CNTN1: variants seen among roughly 807,000 people sequenced by gnomAD.
CNTN1 encodes the protein contactin 1.
Under a neutral mutation model 126.4 loss-of-function variants are expected in CNTN1, and 38 were observed. The observed-to-expected ratio is 0.30, with a 90% CI of 0.23 to 0.39. The LOEUF is 0.39. Ranked by LOEUF, CNTN1 falls within the 10% of genes least tolerant of loss-of-function variation. CNTN1 has a pLI of 1.00. For missense variants in CNTN1, 1,009 were observed against 1,248.4 expected, an observed-to-expected ratio of 0.81 and a Z score of 2.89; for synonymous variants, 413 against 422.6, an observed-to-expected ratio of 0.98 and a Z score of 0.28.
At chr12:40,845,591 T>TG (rs59392222) in intron 1 of CNTN1, among the ~76,000 whole-genome samples, 4 of 152,062 alleles carry the variant, frequency 2.6e-5, no homozygotes, top group Non-Finnish European at 5.9e-5. Context: ...AGCCTCAAGA[T>TG]GGGGCTAGTC....
At chr12:40,773,957 A>G (rs1051351629) in intron 1 of CNTN1, among the ~76,000 whole-genome samples, 6 of 151,398 alleles carry the variant, frequency 4.0e-5, no homozygotes, top group Non-Finnish European at 8.9e-5. Context: ...CAGCACACTT[A>G]CCATCTTCTT....
At chr12:41,063,849 C>G (rs3829303) in intron 23 of CNTN1, among the ~76,000 whole-genome samples, 36,253 of 152,050 alleles carry the variant, frequency 0.24, 4,441 homozygotes, top group Middle Eastern at 0.28. Context: ...GAGCTAGGAG[C>G]TCATATCTCT....
intron 12 of CNTN1, among the ~76,000 whole-genome samples, chr12:40,940,014 G>A (rs1946209944): frequency 6.6e-6 from 1 of 152,076 alleles, no homozygotes; most frequent in Admixed American, 6.6e-5. Flanking sequence ...GTGGTTTGGG[G>A]ACAAAATGAA....
At chr12:40,929,644 A>G (rs1945813764) in intron 6 of CNTN1, 152 bp from the exon 7 acceptor site, 1 of 651,638 alleles carries the variant, frequency 1.5e-6, no homozygotes, top group Non-Finnish European at 2.8e-6. Flanking sequence ...TACATGTTTA[A>G]AAGTGTGCAC....
chr12:40,720,406 A>AGG (rs900269022), intron 1 of CNTN1, among the ~76,000 whole-genome samples: 4 of 98,602 alleles, frequency 4.1e-5, no homozygotes, highest in Admixed American at 3.5e-4. Flanking sequence ...CTCATCTCAA[A>AGG]GGGGTGTGTG....
intron 23 of CNTN1, among the ~76,000 whole-genome samples, chr12:41,057,585 G>A (rs1015733851): frequency 3.3e-5 from 5 of 151,926 alleles, no homozygotes; most frequent in Non-Finnish European, 1.5e-5. Context: ...GCACTTTAGT[G>A]GATATTGGTT....
chr12:40,716,983 G>A (rs1474487650), intron 1 of CNTN1, among the ~76,000 whole-genome samples: 2 of 152,020 alleles, frequency 1.3e-5, no homozygotes, highest in Non-Finnish European at 2.9e-5. Context: ...TAGAGCAATG[G>A]GGAAAGAGAA....
At chr12:40,762,203 A>G (rs1938890515) in intron 1 of CNTN1, among the ~76,000 whole-genome samples, 4 of 152,222 alleles carry the variant, frequency 2.6e-5, no homozygotes, top group Admixed American at 2.6e-4. Context: ...TTACACATAT[A>G]CAAAGATCAC....
At position 40,789,456 on chromosome 12, in the gene CNTN1, G is replaced by A. The variant is rs1159107834; in HGVS notation, c.-77+96864G>A. 1.1e-3 allele frequency among the ~76,000 whole-genome samples: 2 copies of A among 1,884 alleles called. 1 individual carries two copies. Among genetic ancestry groups the A allele is most frequent in the African/African-American group, 1.9e-3 (2 of 1,054 alleles). The allele number at this position is 1,884 out of a possible 152,430, so 1.2% of individuals were successfully genotyped here. A position where few individuals can be genotyped will look rare whatever the true frequency, so the allele number is the denominator to read the frequency against. ...CTCCACTGATACTGACAAGGGAACA[G>A]GCAAGTCATTTAGTGATCCTTATTT... On this transcript the variant is annotated intron_variant, in intron 1 of 23. Transcript: ENST00000551295.
Position 40,924,540 on chromosome 12 carries a change from T to G in CNTN1, c.401-17T>G, listed in dbSNP as rs776772859. 3.6e-6 allele frequency: 5 copies of G among 1,383,808 alleles called. No homozygotes were observed. In the African/African-American group the frequency reaches 7.1e-5, roughly 20 times the overall value. The allele number at this position is 1,383,808 out of a possible 1,614,324, so 85.7% of individuals were successfully genotyped here. On this transcript the variant is annotated splice_polypyrimidine_tract_variant and intron_variant, in intron 5 of 23. Coordinates refer to ENST00000551295, the MANE Select transcript of CNTN1 (RefSeq NM_001843.4). ...GACCAGAGAGTGAATGTTTCTCTTT[T>G]TTTCTTTCGTAATTAGATCTTGATC...
intron 1 of CNTN1, among the ~76,000 whole-genome samples, chr12:40,859,823 T>C (rs1273093341): frequency 6.6e-6 from 1 of 152,188 alleles, no homozygotes; most frequent in African/African-American, 2.4e-5. Context: ...AATAAATTTT[T>C]ACCAATGCTA....
At chr12:40,786,941 C>G (rs1288621397) in intron 1 of CNTN1, among the ~76,000 whole-genome samples, 1 of 152,098 alleles carries the variant, frequency 6.6e-6, no homozygotes, top group Non-Finnish European at 1.5e-5. Flanking sequence ...CAGTTTAGCA[C>G]TTCTAATATC....
chr12:40,940,185 T>C (rs957374898), intron 12 of CNTN1, among the ~76,000 whole-genome samples: 3 of 138,916 alleles, frequency 2.2e-5, no homozygotes, highest in East Asian at 1.9e-4. Flanking sequence ...TGAGGGTGTA[T>C]GTGAGGGTGT....
At chr12:40,904,308 CG>C (rs1293511451) in intron 1 of CNTN1, among the ~76,000 whole-genome samples, 1 of 151,998 alleles carries the variant, frequency 6.6e-6, no homozygotes, top group Non-Finnish European at 1.5e-5. Flanking sequence ...TGAGCCACCC[CG>C]CCCAGCCCTC....
intron 3 of CNTN1, among the ~76,000 whole-genome samples, chr12:40,913,859 T>A (rs1320619436): frequency 6.6e-6 from 1 of 152,182 alleles, no homozygotes; most frequent in African/African-American, 2.4e-5. Context: ...TATCTTAGTC[T>A]TTTTGATCAC....
intron 1 of CNTN1, among the ~76,000 whole-genome samples, chr12:40,853,729 T>A (rs534061629): frequency 1.3e-5 from 2 of 151,940 alleles, no homozygotes; most frequent in East Asian, 3.9e-4. Context: ...GTAATTACAA[T>A]GAAGGCTATA....
At chr12:40,722,072 A>T (rs1942232862) in intron 1 of CNTN1, among the ~76,000 whole-genome samples, 1 of 152,126 alleles carries the variant, frequency 6.6e-6, no homozygotes, top group Non-Finnish European at 1.5e-5. Flanking sequence ...GCCGTGGGGA[A>T]CAACAGGCTT....
intron 1 of CNTN1, among the ~76,000 whole-genome samples, chr12:40,863,429 A>C (rs1943180807): frequency 6.6e-6 from 1 of 152,224 alleles, no homozygotes; most frequent in Non-Finnish European, 1.5e-5. Context: ...TAAAACCTTA[A>C]GTATTTGACA....
chr12:40,964,081 A>C (rs1947209103), intron 15 of CNTN1, among the ~76,000 whole-genome samples: 3 of 152,276 alleles, frequency 2.0e-5, no homozygotes, highest in Admixed American at 1.3e-4. Context: ...TTTCTGATGT[A>C]TTATAAATAT....
Sources: allele counts gnomAD v4.1 joint callset (sites outside exome capture counted in the v4.1 genomes callset), GRCh38; gene constraint gnomAD v4.1.1; transcripts MANE v1.5; gene names NCBI Gene and HGNC (gene_info 2026-07-23, HGNC 2026-07-21).